The following LRRC1 variants were observed in gnomAD, a reference collection of about 807,000 sequenced individuals.
LRRC1 encodes the protein leucine rich repeat containing 1, also known as leucine-rich repeat-containing protein 1.
LRRC1 carries 28 observed loss-of-function variants against 69.9 expected under a neutral mutation model. The observed-to-expected ratio is 0.40, with a 90% CI of 0.30 to 0.55. LRRC1 has a LOEUF of 0.55. LRRC1 is among the 20% of genes least tolerant of loss of function. LRRC1 has a pLI of 0.47. For missense variants in LRRC1, 498 were observed against 609.0 expected (o/e 0.82, Z 1.92); for synonymous variants, 236 against 240.2 (o/e 0.98, Z 0.16).
intron 1 of LRRC1, among the ~76,000 whole-genome samples, chr6:53,802,746 T>G (rs1764521641): frequency 6.6e-6 from 1 of 152,244 alleles, no homozygotes. Flanking sequence ...TGTTCTATAC[T>G]ATGAATTTTA....
chr6:53,911,066 T>C (rs745413011), intron 10 of LRRC1, among the ~76,000 whole-genome samples: 184 of 152,266 alleles, frequency 1.2e-3, no homozygotes, highest in African/African-American at 4.2e-3. Context: ...CCATAGACAA[T>C]AGAGATCAGG....
intron 1 of LRRC1, among the ~76,000 whole-genome samples, chr6:53,820,161 A>G (rs6924025): frequency 1.3e-5 from 2 of 151,782 alleles, no homozygotes; most frequent in African/African-American, 4.8e-5. Context: ...CAGTTGATTT[A>G]CATACAACTT....
Position 53,904,369 on chromosome 6 carries a change from AT to A in LRRC1, c.907-6del. 1 of 1,573,582 alleles carries A rather than the reference AT, an allele frequency of 6.4e-7. No individual in the cohort carries two copies. The highest frequency in any genetic ancestry group is 8.7e-7 in the Non-Finnish European group (1 of 1,150,302). On this transcript the variant is annotated splice_polypyrimidine_tract_variant and intron_variant, in intron 9 of 13. Transcript: ENST00000370888. The stretch of plus-strand genomic sequence containing the variant: ...GTGTTAAATTAATAGTGAAATTGTT[AT>A]TTTAACAGACCCTGCCTAAAAGCAT...
At chr6:53,894,288 G>T (rs143312886) in intron 4 of LRRC1, among the ~76,000 whole-genome samples, 176 of 152,270 alleles carry the variant, frequency 1.2e-3, no homozygotes, top group African/African-American at 4.1e-3. Context: ...AGATGAGATG[G>T]CTCACAGAAG....
intron 4 of LRRC1, among the ~76,000 whole-genome samples, chr6:53,890,864 A>G (rs1286194040): frequency 6.6e-6 from 1 of 152,128 alleles, no homozygotes; most frequent in African/African-American, 2.4e-5. Context: ...TTTACAGTGA[A>G]CTGCCACTTG....
intron 1 of LRRC1, among the ~76,000 whole-genome samples, chr6:53,798,785 T>G (rs1389398779): frequency 6.6e-6 from 1 of 152,262 alleles, no homozygotes; most frequent in East Asian, 1.9e-4. Context: ...TATAAAAATC[T>G]TCCTCCCTCT....
At chr6:53,858,681 C>G (rs1416512828) in intron 2 of LRRC1, among the ~76,000 whole-genome samples, 1 of 152,168 alleles carries the variant, frequency 6.6e-6, no homozygotes, top group African/African-American at 2.4e-5. Flanking sequence ...AAGAGGAGAG[C>G]ACCATTTTTG....
chr6:53,878,208 C>G (rs1057314027), intron 2 of LRRC1, among the ~76,000 whole-genome samples: 4 of 152,132 alleles, frequency 2.6e-5, no homozygotes, highest in Non-Finnish European at 5.9e-5. Flanking sequence ...GTCCCTCCCA[C>G]AACACATGGG....
At position 53,866,989 on chromosome 6, in the gene LRRC1, C is replaced by T. The variant is rs574858319; in HGVS notation, c.278-12004C>T. 4.0e-5 allele frequency among the ~76,000 whole-genome samples: 6 copies of T among 151,848 alleles called. No homozygotes were observed. In the South Asian group the frequency reaches 1.0e-3, roughly 26 times the overall value. ...TTATCCTTGGCTTTGGCAGGTGGCACGCGTCTCTTCACCCTAACTTGTTAT... is the reference window on the plus strand; with the variant it reads ...TTATCCTTGGCTTTGGCAGGTGGCATGCGTCTCTTCACCCTAACTTGTTAT... On this transcript the variant is annotated intron_variant, in intron 2 of 13. Coordinates refer to ENST00000370888, the MANE Select transcript of LRRC1 (RefSeq NM_018214.5).
At chr6:53,837,017 A>C (rs1765630837) in intron 1 of LRRC1, among the ~76,000 whole-genome samples, 1 of 152,184 alleles carries the variant, frequency 6.6e-6, no homozygotes, top group Non-Finnish European at 1.5e-5. Context: ...ACTGAACATT[A>C]TCTCTAAGAT....
chr6:53,844,731 T>C (rs890200629), intron 2 of LRRC1, among the ~76,000 whole-genome samples: 1 of 152,220 alleles, frequency 6.6e-6, no homozygotes, highest in Non-Finnish European at 1.5e-5. Flanking sequence ...TGAGGGATCC[T>C]GCAGAACGTT....
chr6:53,847,674 T>C (rs1023289766), intron 2 of LRRC1, among the ~76,000 whole-genome samples: 2 of 152,178 alleles, frequency 1.3e-5, no homozygotes, highest in African/African-American at 4.8e-5. Context: ...GAGTGCATGA[T>C]TGGGTTAGTT....
chr6:53,895,135 T>C (rs1204174419), intron 4 of LRRC1, among the ~76,000 whole-genome samples: 1 of 152,044 alleles, frequency 6.6e-6, no homozygotes, highest in African/African-American at 2.4e-5. Flanking sequence ...GCCGGGATGG[T>C]CTCGATCTCC....
chr6:53,890,657 T>C (rs1276984449), intron 4 of LRRC1, among the ~76,000 whole-genome samples: 1 of 152,124 alleles, frequency 6.6e-6, no homozygotes, highest in Non-Finnish European at 1.5e-5. Context: ...AAAACAAAAA[T>C]AAAGATTTTT....
At chr6:53,870,024 G>A (rs1766830510) in intron 2 of LRRC1, among the ~76,000 whole-genome samples, 1 of 152,244 alleles carries the variant, frequency 6.6e-6, no homozygotes, top group Non-Finnish European at 1.5e-5. Flanking sequence ...AAGTGGTGTT[G>A]GGAGTCAGGA....
intron 4 of LRRC1, among the ~76,000 whole-genome samples, chr6:53,891,451 CAA>C (rs201969537): frequency 7.0e-6 from 1 of 142,794 alleles, no homozygotes; most frequent in Non-Finnish European, 1.5e-5. Flanking sequence ...AAAAATGAGA[CAA>C]AAAAAATCTG....
At chr6:53,905,726 A>G (rs1374136795) in intron 10 of LRRC1, among the ~76,000 whole-genome samples, 1 of 152,180 alleles carries the variant, frequency 6.6e-6, no homozygotes, top group Non-Finnish European at 1.5e-5. Flanking sequence ...ACAGTGTCCC[A>G]GTCTTCTCCC....
intron 13 of LRRC1, among the ~76,000 whole-genome samples, chr6:53,921,840 C>A (rs1768752014): frequency 6.6e-6 from 1 of 152,120 alleles, no homozygotes; most frequent in Non-Finnish European, 1.5e-5. Context: ...TTAGGGATGA[C>A]AAAATCACTC....
At chr6:53,844,354 A>G (rs751898040) in intron 2 of LRRC1, among the ~76,000 whole-genome samples, 1 of 152,208 alleles carries the variant, frequency 6.6e-6, no homozygotes, top group Non-Finnish European at 1.5e-5. Context: ...AGAAAGACGA[A>G]AAGTTTTGGC....
Sources: allele counts gnomAD v4.1 joint callset (sites outside exome capture counted in the v4.1 genomes callset), GRCh38; gene constraint gnomAD v4.1.1; transcripts MANE v1.5; gene names NCBI Gene and HGNC (gene_info 2026-07-23, HGNC 2026-07-21).